Variants in PCNX2 observed in about 807,000 individuals in gnomAD.
PCNX2 encodes pecanex 2.
In PCNX2, 168 loss-of-function variants were observed where a neutral mutation model predicts 223.8. The observed-to-expected ratio is 0.75, with a 90% CI of 0.66 to 0.85. The LOEUF is 0.85. PCNX2 is among the 40% of genes least tolerant of loss of function. The pLI is 0.00. For synonymous variants in PCNX2, 1,006 were observed against 1,052.6 expected (o/e 0.96, Z 0.86); for missense variants, 2,507 against 2,675.5 (o/e 0.94, Z 1.39).
intron 10 of PCNX2, among the ~76,000 whole-genome samples, chr1:233,223,455 A>T (rs789987): frequency 0.65 from 98,561 of 152,028 alleles, 32,188 homozygotes; most frequent in East Asian, 0.79. Context: ...CAGGATTTTT[A>T]AAAAAATACT....
Position 233,199,033 on chromosome 1 carries a change from G to A in PCNX2, c.2975-3C>T, listed in dbSNP as rs753768790. 1.9e-6 allele frequency: 3 copies of A among 1,573,052 alleles called. No homozygotes were observed. Among genetic ancestry groups the A allele is most frequent in the East Asian group, 2.3e-5 (1 of 42,598 alleles). The stretch of plus-strand genomic sequence containing the variant: ...AGCCGAGGTTATCCCAGACACAGCT[G>A]GAACACAAACATCAACAGTTCTTTT... On this transcript the variant is annotated splice_region_variant and splice_polypyrimidine_tract_variant and intron_variant, in intron 14 of 33. Coordinates refer to ENST00000258229, the MANE Select transcript of PCNX2 (RefSeq NM_014801.4).
the PCNX2 span, among the ~76,000 whole-genome samples, chr1:233,320,953 C>T: frequency 6.6e-6 from 1 of 150,870 alleles, no homozygotes; most frequent in Non-Finnish European, 1.5e-5. Flanking sequence ...GTAACAAATA[C>T]TGCCAGTGGT....
chr1:233,252,285 C>G, intron 7 of PCNX2, 69 bp downstream of exon 7: 1 of 1,504,766 alleles, frequency 6.6e-7, no homozygotes, highest in Non-Finnish European at 9.0e-7. Flanking sequence ...GCTAAGGTAT[C>G]ACACTGAGTC....
At chr1:233,092,551 T>C (rs1020454988) in intron 22 of PCNX2, among the ~76,000 whole-genome samples, 8 of 152,088 alleles carry the variant, frequency 5.3e-5, no homozygotes, top group Non-Finnish European at 1.0e-4. Context: ...TGGCAGTGAA[T>C]AGAGAGGATC....
chr1:233,031,059 G>A (rs1340359881), intron 25 of PCNX2, among the ~76,000 whole-genome samples: 2 of 152,230 alleles, frequency 1.3e-5, no homozygotes, highest in Non-Finnish European at 2.9e-5. Flanking sequence ...CCTCTGGGCA[G>A]AAAGTGGAGG....
intron 8 of PCNX2, among the ~76,000 whole-genome samples, chr1:233,241,937 G>A (rs945381266): frequency 5.3e-5 from 8 of 151,998 alleles, no homozygotes; most frequent in African/African-American, 9.7e-5. Context: ...ATTTATTGCC[G>A]TTTTCTGCCT....
chr1:233,026,514 G>C (rs1243955406), intron 25 of PCNX2, among the ~76,000 whole-genome samples: 9 of 152,198 alleles, frequency 5.9e-5, no homozygotes, highest in Non-Finnish European at 1.2e-4. Flanking sequence ...GAGGGAACAA[G>C]AGTGGGAGCC....
rs1364306089 is a variant in PCNX2 at position 233,001,036 on chromosome 1, CT to C, written c.5097+500del. On this transcript the variant is annotated intron_variant, in intron 29 of 33. Coordinates refer to ENST00000258229, the MANE Select transcript of PCNX2 (RefSeq NM_014801.4). This position sits in a 1 kb window ranked among gnomAD's most constrained non-coding sequence, Gnocchi z 4.2. ...CTAAAGTTTCAGGCTGATCCTTTTT[CT>C]TTTTTTTTCCCCAAGAGACAGGGTC... Among the ~76,000 whole-genome samples, 2 of 151,506 alleles carry C rather than the reference CT, an allele frequency of 1.3e-5. No homozygotes were observed. Among genetic ancestry groups the C allele is most frequent in the African/African-American group, 4.8e-5 (2 of 41,244 alleles).
At chr1:233,195,559 G>C (rs1680679354) in intron 15 of PCNX2, among the ~76,000 whole-genome samples, 1 of 152,148 alleles carries the variant, frequency 6.6e-6, no homozygotes, top group South Asian at 2.1e-4. Context: ...CAATCTTAAA[G>C]AAATTACTAA....
intron 19 of PCNX2, among the ~76,000 whole-genome samples, chr1:233,154,806 C>T (rs761516635): frequency 2.0e-5 from 3 of 152,124 alleles, no homozygotes; most frequent in Admixed American, 6.5e-5. Flanking sequence ...CGGTGGCTCA[C>T]GCCCATAATC....
rs574508476 is a variant in PCNX2 at position 233,208,581 on chromosome 1, C to G, written c.2800G>C (p.Val934Leu). Residue 934 changes from valine to leucine, a missense_variant, in exon 13 of 34, where the codon GTT becomes CTT. By Grantham distance (32) the Val-to-Leu change is conservative (BLOSUM62 1). Around this residue, in one of 3 missense-constraint regions of PCNX2, gnomAD observed 104 missense variants for 144.4 expected, o/e 0.72. Transcript: ENST00000258229. ...GAGAAGAGCTTCAGGCCATACACAA[C>G]GTAACTGGGAGGGTGCCTGGCTTTG... is the stretch of plus-strand genomic sequence containing the variant. ...GAKARHPPSY[V>L]VYGLKLFSPV... 2 of 1,613,594 alleles carry G rather than the reference C, an allele frequency of 1.2e-6. No individual in the cohort carries two copies. Among genetic ancestry groups the G allele is most frequent in the East Asian group, 4.5e-5 (2 of 44,846 alleles).
Position 233,129,136 on chromosome 1 carries a change from C to T in PCNX2, c.3837+5877G>A, listed in dbSNP as rs371056365. Among the ~76,000 whole-genome samples, 4 of 152,222 alleles carry T rather than the reference C, an allele frequency of 2.6e-5. No individual in the cohort carries two copies. In the East Asian group the frequency reaches 7.7e-4, roughly 29 times the overall value. On this transcript the variant is annotated intron_variant, in intron 21 of 33. Coordinates refer to ENST00000258229, the MANE Select transcript of PCNX2 (RefSeq NM_014801.4). Reference sequence around the variant, plus strand: ...GGAGGTGTGGAGGGAGAGGCGTGGGCGGGAACCTGGGCTGTGCGTGGCGCT... The same window carrying T: ...GGAGGTGTGGAGGGAGAGGCGTGGGTGGGAACCTGGGCTGTGCGTGGCGCT...
chr1:233,240,288 A>G (rs1658678158), intron 8 of PCNX2, among the ~76,000 whole-genome samples: 1 of 152,148 alleles, frequency 6.6e-6, no homozygotes, highest in Admixed American at 6.6e-5. Flanking sequence ...TCCAAAGTCT[A>G]TGTTCTTTGC....
intron 9 of PCNX2, among the ~76,000 whole-genome samples, chr1:233,229,236 C>T (rs1657919575): frequency 6.6e-6 from 1 of 152,078 alleles, no homozygotes; most frequent in Admixed American, 6.6e-5. Context: ...TGGAGTTATT[C>T]CGGATATCAA....
intron 4 of PCNX2, 30 bp downstream of exon 4, chr1:233,261,255 G>T (rs45467006): frequency 0.012 from 19,241 of 1,572,664 alleles, 171 homozygotes; most frequent in South Asian, 0.024. Flanking sequence ...GGATAGTGCT[G>T]TGATAAAATA....
the PCNX2 span, among the ~76,000 whole-genome samples, chr1:233,306,640 C>T: frequency 8.5e-5 from 13 of 152,280 alleles, no homozygotes; most frequent in South Asian, 4.1e-4. Flanking sequence ...GTGAATTATA[C>T]ATCAATAAAG....
chr1:233,237,338 G>A lies in PCNX2; in HGVS notation c.2223-358C>T, dbSNP rs1336876578. ...CTCATATTTTGTAAAAACAAATAGTGGGCTTGATAATTCTCCAGACACCAA... is the reference window on the plus strand; with the variant it reads ...CTCATATTTTGTAAAAACAAATAGTAGGCTTGATAATTCTCCAGACACCAA... On this transcript the variant is annotated intron_variant, in intron 8 of 33. Coordinates refer to ENST00000258229, the MANE Select transcript of PCNX2 (RefSeq NM_014801.4). Among the ~76,000 whole-genome samples the A allele has an allele frequency of 2.6e-5, 4 of 152,160 alleles. No individual in the cohort carries two copies. In the East Asian group the frequency reaches 7.8e-4, roughly 29 times the overall value.
chr1:233,245,358 T>C (rs60561561), intron 8 of PCNX2, among the ~76,000 whole-genome samples: 1 of 152,158 alleles, frequency 6.6e-6, no homozygotes, highest in Non-Finnish European at 1.5e-5. Context: ...AAAAGAAGCA[T>C]AACAGAGGCA....
At position 233,135,127 on chromosome 1, in the gene PCNX2, C is replaced by T. The variant is rs371514176; in HGVS notation, c.3723G>A (p.Pro1241=). ...AGCTCAAGTTAATAAACTGGTAAACCGGGTTGCAGAATGATGTCCGCAACA... is the reference window on the plus strand; with the variant it reads ...AGCTCAAGTTAATAAACTGGTAAACTGGGTTGCAGAATGATGTCCGCAACA... The part of the protein sequence containing the change: ...MKLLRTSFCN[P]VYQFINLSFT... The change falls in exon 21 of 34, where the codon CCG becomes CCA. Residue 1241 remains proline (P), a synonymous_variant. Coordinates refer to ENST00000258229, the MANE Select transcript of PCNX2 (RefSeq NM_014801.4). 2.7e-5 allele frequency: 44 copies of T among 1,613,722 alleles called. No individual in the cohort carries two copies. Among genetic ancestry groups the T allele is most frequent in the South Asian group, 2.4e-4 (22 of 91,066 alleles).
Sources: gnomAD v4.1 joint callset for allele counts (sites outside exome capture counted in the v4.1 genomes callset) on GRCh38, gnomAD v4.1.1 for gene constraint, gnomAD v4.1.1 regional missense constraint, Gnocchi (gnomAD v3.1) non-coding constraint, MANE v1.5 for transcripts, NCBI Gene and HGNC (gene_info 2026-07-23, HGNC 2026-07-21) for gene names.